Variants in CFAP77 observed in about 807,000 individuals in gnomAD.
The protein encoded by CFAP77 is cilia- and flagella-associated protein 77.
Under a neutral mutation model 31.1 loss-of-function variants are expected in CFAP77, and 25 were observed. The observed-to-expected ratio is 0.80, with a 90% CI of 0.59 to 1.12. The LOEUF (loss-of-function observed/expected upper bound fraction) is 1.12, where lower values mean the gene tolerates loss of function less well. Among genes scored for constraint, CFAP77 ranks in the 50% most tolerant of loss-of-function variants. The pLI, the probability that CFAP77 is intolerant of heterozygous loss-of-function variation, is 0.00. For missense variants in CFAP77, 377 were observed against 397.3 expected, an observed-to-expected ratio of 0.95 and a Z score of 0.44; for synonymous variants, 151 against 159.9, an observed-to-expected ratio of 0.94 and a Z score of 0.42.
In CFAP77 at chr9:132,539,669, T is replaced by C. The variant is rs114930261; in HGVS notation, c.630+1963T>C. On this transcript the variant is annotated intron_variant, in intron 4 of 5. Coordinates refer to ENST00000393216, the MANE Select transcript of CFAP77 (RefSeq NM_001282957.2). The surrounding 1 kb of genome is among the most constrained non-coding windows in gnomAD (Gnocchi z 4.3). ...AGGAGGGGTGCACGAAGTGGGAGGC[T>C]GAGGATTTCCAGGCGTGGCGGGTGC... Among the ~76,000 whole-genome samples, 5,092 of 152,234 alleles carry C rather than the reference T, an allele frequency of 0.033. 103 individuals are homozygous for C. The highest frequency in any genetic ancestry group is 0.089 in the Middle Eastern group (26 of 292).
chr9:132,491,636 A>T (rs1189059303), intron 1 of CFAP77, among the ~76,000 whole-genome samples: 1 of 152,240 alleles, frequency 6.6e-6, no homozygotes, highest in African/African-American at 2.4e-5. Flanking sequence ...TCCTTGATTT[A>T]ACCCATTACC....
At chr9:132,547,340 T>A (rs1852748827) in intron 5 of CFAP77, among the ~76,000 whole-genome samples, 1 of 152,180 alleles carries the variant, frequency 6.6e-6, no homozygotes, top group Non-Finnish European at 1.5e-5. Flanking sequence ...AATGCTCCCC[T>A]GGCTAGGCTG....
At chr9:132,489,368 C>A (rs1442447278) in intron 1 of CFAP77, among the ~76,000 whole-genome samples, 1 of 152,128 alleles carries the variant, frequency 6.6e-6, no homozygotes. Context: ...TGGGGCGTGG[C>A]TGGGAGTTAA....
chr9:132,512,423 A>T (rs1223316569), intron 3 of CFAP77, among the ~76,000 whole-genome samples: 3 of 152,182 alleles, frequency 2.0e-5, no homozygotes, highest in African/African-American at 7.2e-5. Context: ...GAGGGTTAGG[A>T]TATGGACACA....
intron 1 of CFAP77, among the ~76,000 whole-genome samples, chr9:132,488,515 T>C (rs576597668): frequency 4.9e-4 from 75 of 152,236 alleles, no homozygotes; most frequent in Middle Eastern, 3.4e-3. Flanking sequence ...GGGTGGGAAA[T>C]GATTAGACTT....
chr9:132,512,858 A>C (rs1852063493), intron 3 of CFAP77, among the ~76,000 whole-genome samples: 1 of 152,220 alleles, frequency 6.6e-6, no homozygotes, highest in Non-Finnish European at 1.5e-5. Context: ...GAGGCAGGAG[A>C]ATCACTTGAA....
intron 1 of CFAP77, among the ~76,000 whole-genome samples, chr9:132,472,899 T>A (rs1340985491): frequency 6.6e-6 from 1 of 152,226 alleles, no homozygotes; most frequent in Non-Finnish European, 1.5e-5. Context: ...CATGTCTTAG[T>A]CCGTTTTGTG....
intron 1 of CFAP77, among the ~76,000 whole-genome samples, chr9:132,449,435 G>GTT (rs35118700): frequency 6.9e-6 from 1 of 145,286 alleles, no homozygotes; most frequent in Non-Finnish European, 1.5e-5. Context: ...GAGTACACAG[G>GTT]TTTTTTTTTT....
At chr9:132,493,422 T>C (rs138644430) in intron 1 of CFAP77, among the ~76,000 whole-genome samples, 191 of 152,300 alleles carry the variant, frequency 1.3e-3, no homozygotes, top group Non-Finnish European at 2.0e-3. Context: ...GTTGCTGTGG[T>C]TTATCTGGTG....
At chr9:132,479,876 C>T (rs1261425967) in intron 1 of CFAP77, among the ~76,000 whole-genome samples, 1 of 152,116 alleles carries the variant, frequency 6.6e-6, no homozygotes, top group Admixed American at 6.5e-5. Context: ...GAGACAGGCT[C>T]AAGGGTGAGG....
chr9:132,422,118 C>T (rs766832839), intron 1 of CFAP77, among the ~76,000 whole-genome samples: 3 of 152,130 alleles, frequency 2.0e-5, no homozygotes, highest in African/African-American at 4.8e-5. Flanking sequence ...AAGTGATTCT[C>T]CTGCCTCAGC....
chr9:132,454,978 G>T (rs1850888031), intron 1 of CFAP77, among the ~76,000 whole-genome samples: 1 of 151,996 alleles, frequency 6.6e-6, no homozygotes, highest in Non-Finnish European at 1.5e-5. Context: ...ATTACCTGAA[G>T]TGAGGACATC....
In CFAP77 at chr9:132,498,629, C is replaced by A; in HGVS notation, c.196-66C>A. Reference sequence around the variant, plus strand: ...CAGGCATCTGGTGCCTCCCTGCTGCCGGATTACAATACATTTGGTCTGAGA... The same window carrying A: ...CAGGCATCTGGTGCCTCCCTGCTGCAGGATTACAATACATTTGGTCTGAGA... On this transcript the variant is annotated intron_variant, in intron 1 of 5. Transcript: ENST00000393216. This position sits in a 1 kb window ranked among gnomAD's most constrained non-coding sequence, Gnocchi z 4.2. The A allele has an allele frequency of 1.6e-6, 2 of 1,263,858 alleles. No individual in the cohort carries two copies. Among genetic ancestry groups the A allele is most frequent in the East Asian group, 2.5e-5 (1 of 40,584 alleles). 78.3% of individuals were successfully genotyped at this position (1,263,858 alleles called of 1,614,324 possible). A position where few individuals can be genotyped will look rare whatever the true frequency, so the allele number is the denominator to read the frequency against.
Position 132,511,331 on chromosome 9 carries a change from TC to T in CFAP77, c.524+11734del, listed in dbSNP as rs1474026619. Reference sequence around the variant, plus strand: ...TTTTCCCTCTGCCAGGGATGCTCGTTCCCACCTTGCCTGGCGGAGGCCTCAC... The same window carrying T: ...TTTTCCCTCTGCCAGGGATGCTCGTTCCACCTTGCCTGGCGGAGGCCTCAC... On this transcript the variant is annotated intron_variant, in intron 3 of 5. Coordinates refer to ENST00000393216, the MANE Select transcript of CFAP77 (RefSeq NM_001282957.2). The surrounding 1 kb of genome is among the most constrained non-coding windows in gnomAD (Gnocchi z 5.8). Among the ~76,000 whole-genome samples, 7 of 152,138 alleles carry T rather than the reference TC, an allele frequency of 4.6e-5. No individual in the cohort carries two copies. The highest frequency in any genetic ancestry group is 1.0e-4 in the Non-Finnish European group (7 of 68,022).
In CFAP77 at chr9:132,473,916, C is replaced by T. The variant is rs943103451; in HGVS notation, c.196-24779C>T. 5.9e-5 allele frequency among the ~76,000 whole-genome samples: 9 copies of T among 152,302 alleles called. No homozygotes were observed. In the East Asian group the frequency reaches 1.5e-3, roughly 26 times the overall value. ...CAGGCTGGTCTCAAACTCCTGACTTCAGGTGATCCACCTGCCTCGGCCTCC... is the reference window on the plus strand; with the variant it reads ...CAGGCTGGTCTCAAACTCCTGACTTTAGGTGATCCACCTGCCTCGGCCTCC... On this transcript the variant is annotated intron_variant, in intron 1 of 5. Transcript: ENST00000393216.
chr9:132,560,661 G>A (rs891040155), intron 5 of CFAP77, among the ~76,000 whole-genome samples: 2 of 152,210 alleles, frequency 1.3e-5, no homozygotes, highest in Non-Finnish European at 2.9e-5. Context: ...GCACAGCTCT[G>A]CATTCCAGTT....
At chr9:132,506,750 G>A (rs1462057120) in intron 3 of CFAP77, among the ~76,000 whole-genome samples, 1 of 152,150 alleles carries the variant, frequency 6.6e-6, no homozygotes, top group African/African-American at 2.4e-5. Context: ...AACTAACTCT[G>A]AATAGCTCAG....
chr9:132,442,956 C>G (rs1850638442), intron 1 of CFAP77, among the ~76,000 whole-genome samples: 1 of 152,104 alleles, frequency 6.6e-6, no homozygotes. Flanking sequence ...CCAAAACCTT[C>G]CAGTAATCAC....
In CFAP77 at chr9:132,554,839, C is replaced by A. The variant is rs190866649; in HGVS notation, c.732+11792C>A. On this transcript the variant is annotated intron_variant, in intron 5 of 5. Coordinates refer to ENST00000393216, the MANE Select transcript of CFAP77 (RefSeq NM_001282957.2). This position sits in a 1 kb window ranked among gnomAD's most constrained non-coding sequence, Gnocchi z 4.1. ...GCCTCATCCCCAGACTCCTGACCCA[C>A]TCATCTGTCCATCCGTCCATCCATC... Among the ~76,000 whole-genome samples the A allele has an allele frequency of 5.9e-5, 9 of 152,286 alleles. No homozygotes were observed. Among genetic ancestry groups the A allele is most frequent in the African/African-American group, 2.2e-4 (9 of 41,560 alleles).
Sources: gnomAD v4.1 joint callset for allele counts (sites outside exome capture counted in the v4.1 genomes callset) on GRCh38, gnomAD v4.1.1 for gene constraint, Gnocchi (gnomAD v3.1) non-coding constraint, MANE v1.5 for transcripts, NCBI Gene and HGNC (gene_info 2026-07-23, HGNC 2026-07-21) for gene names.